AAMDC: variants seen among roughly 807,000 people sequenced by gnomAD.
The protein encoded by AAMDC is mth938 domain-containing protein.
In AAMDC, 16 loss-of-function variants were observed where a neutral mutation model predicts 15.5. The ratio of observed to expected loss-of-function variants is 1.03; its 90% CI spans 0.70 to 1.57. AAMDC has a LOEUF of 1.57. AAMDC is among the 40% of genes most tolerant of loss of function. The pLI, the probability that AAMDC is intolerant of heterozygous loss-of-function variation, is 0.00. For synonymous variants in AAMDC, 51 were observed against 51.6 expected, an observed-to-expected ratio of 0.99 and a Z score of 0.05; for missense variants, 141 against 144.9, an observed-to-expected ratio of 0.97 and a Z score of 0.14.
intron 5 of AAMDC, among the ~76,000 whole-genome samples, chr11:77,895,267 A>G (rs1005413321): frequency 3.3e-5 from 5 of 152,080 alleles, no homozygotes; most frequent in African/African-American, 7.2e-5. Context: ...TTAATATATT[A>G]TTCATTGGAG....
At position 77,868,399 on chromosome 11, in the gene AAMDC, C is replaced by T. The variant is rs564386747; in HGVS notation, c.133-1323C>T. On this transcript the variant is annotated intron_variant, in intron 2 of 3. Coordinates refer to ENST00000393427, the MANE Select transcript of AAMDC (RefSeq NM_024684.4). ...TTGAGATGAAGTCTTGGTCTTGTTG[C>T]CCAGGCTGGAGTGCAATGGCGTGAT... Among the ~76,000 whole-genome samples the T allele has an allele frequency of 3.6e-4, 46 of 127,656 alleles. 2 individuals carry two copies. The South Asian group carries it at 0.011, about 31-fold the overall frequency. 83.7% of individuals were successfully genotyped at this position (127,656 alleles called of 152,430 possible).
chr11:77,865,557 T>C (rs1161998195), intron 2 of AAMDC, among the ~76,000 whole-genome samples: 1 of 152,260 alleles, frequency 6.6e-6, no homozygotes, highest in Admixed American at 6.5e-5. Flanking sequence ...CACAGTCACA[T>C]GACCACATTT....
intron 5 of AAMDC, among the ~76,000 whole-genome samples, chr11:77,879,520 C>G (rs902295572): frequency 6.6e-6 from 1 of 152,178 alleles, no homozygotes; most frequent in Non-Finnish European, 1.5e-5. Context: ...AGTTCCATCT[C>G]AAGCCTCAGG....
At position 77,821,170 on chromosome 11, in the gene AAMDC, G is replaced by A. The variant is rs1395563936; in HGVS notation, c.-90G>A. 1 of 374,118 alleles carries A rather than the reference G, an allele frequency of 2.7e-6. No homozygotes were observed. The highest frequency in any genetic ancestry group is 4.8e-6 in the Non-Finnish European group (1 of 208,808). The allele number at this position is 374,118 out of a possible 1,614,324, so 23.2% of individuals were successfully genotyped here. A position where few individuals can be genotyped will look rare whatever the true frequency, so the allele number is the denominator to read the frequency against. On this transcript the variant is annotated 5_prime_UTR_variant, in exon 1 of 4. Coordinates refer to ENST00000393427, the MANE Select transcript of AAMDC (RefSeq NM_024684.4). ...GTTGGGGAGCGCAGATCCCGAAGCA[G>A]CGCTGGGAGCGTAAGTGCGGGCAGA...
intron 5 of AAMDC, among the ~76,000 whole-genome samples, chr11:77,900,350 T>C (rs566172399): frequency 3.1e-4 from 47 of 152,114 alleles, no homozygotes; most frequent in Non-Finnish European, 2.6e-4. Flanking sequence ...CTGCCCACCT[T>C]GGCCTCCCAA....
At position 77,869,757 on chromosome 11, in the gene AAMDC, A is replaced by G. The variant is rs746003091; in HGVS notation, c.168A>G (p.Glu56=). Residue 56 remains glutamate, a synonymous_variant, in exon 3 of 4, where the codon GAA becomes GAG. Coordinates refer to ENST00000393427, the MANE Select transcript of AAMDC (RefSeq NM_024684.4). ...SPGVQPADVK[E]VVEKGVQTLV... is the part of the protein sequence containing the mutation. ...GTGTGCAGCCTGCAGATGTGAAGGA[A>G]GTTGTTGAGAAGGGTGTACAGACTC... is the stretch of plus-strand genomic sequence containing the variant. 2 of 1,613,898 alleles carry G rather than the reference A, an allele frequency of 1.2e-6. No individual in the cohort carries two copies. Among genetic ancestry groups the G allele is most frequent in the Non-Finnish European group, 1.7e-6 (2 of 1,179,878 alleles).
chr11:77,881,062 G>A (rs1951773988), intron 5 of AAMDC, among the ~76,000 whole-genome samples: 1 of 152,186 alleles, frequency 6.6e-6, no homozygotes. Flanking sequence ...GCAATTCAAG[G>A]CAATGCCATA....
chr11:77,858,284 T>C (rs1435635613), intron 2 of AAMDC, among the ~76,000 whole-genome samples: 1 of 138,720 alleles, frequency 7.2e-6, no homozygotes, highest in Non-Finnish European at 1.5e-5. Flanking sequence ...AACCTCCACC[T>C]CCTGCGTTTA....
At chr11:77,846,132 A>G (rs1950136851) in intron 2 of AAMDC, among the ~76,000 whole-genome samples, 1 of 152,010 alleles carries the variant, frequency 6.6e-6, no homozygotes, top group African/African-American at 2.4e-5. Context: ...ATGTGGTTCT[A>G]TAAAGTCTGT....
chr11:77,837,805 C>T (rs1200810245), intron 1 of AAMDC, among the ~76,000 whole-genome samples: 1 of 152,068 alleles, frequency 6.6e-6, no homozygotes, highest in Non-Finnish European at 1.5e-5. Context: ...GCCTATAATG[C>T]AAGCACTTGG....
intron 1 of AAMDC, among the ~76,000 whole-genome samples, chr11:77,837,135 G>T (rs1949716772): frequency 6.6e-6 from 1 of 152,098 alleles, no homozygotes; most frequent in Non-Finnish European, 1.5e-5. Context: ...TTGTTTGTTT[G>T]TTTGCTTGCT....
At chr11:77,863,805 C>G (rs1302187855) in intron 2 of AAMDC, among the ~76,000 whole-genome samples, 1 of 152,122 alleles carries the variant, frequency 6.6e-6, no homozygotes, top group African/African-American at 2.4e-5. Flanking sequence ...GTGAGCCTCT[C>G]TGCCTACCCC....
chr11:77,848,896 C>T (rs1022972438), intron 2 of AAMDC, among the ~76,000 whole-genome samples: 7 of 152,190 alleles, frequency 4.6e-5, no homozygotes, highest in Admixed American at 4.6e-4. Context: ...AGCGATCCTC[C>T]AGCCTGCTCT....
At chr11:77,834,442 T>TG (rs1949588992) in intron 1 of AAMDC, among the ~76,000 whole-genome samples, 1 of 17,162 alleles carries the variant, frequency 5.8e-5, no homozygotes, top group South Asian at 8.0e-4. Flanking sequence ...GTTGATTTTG[T>TG]TTTTTTTTTT....
intron 1 of AAMDC, among the ~76,000 whole-genome samples, chr11:77,825,933 C>T (rs774274393): frequency 1.3e-5 from 2 of 152,096 alleles, no homozygotes; most frequent in African/African-American, 2.4e-5. Flanking sequence ...CTCAGATGAT[C>T]TGCTCACCTC....
At chr11:77,830,191 T>TAAG (rs1949357507) in intron 1 of AAMDC, 1 of 152,142 alleles carries the variant, frequency 6.6e-6, no homozygotes, top group South Asian at 2.1e-4. Flanking sequence ...ATACATCCAG[T>TAAG]AAGAGATTCA....
At position 77,842,515 on chromosome 11, in the gene AAMDC, G is replaced by C. The variant is rs781000871; in HGVS notation, c.19G>C (p.Ala7Pro). The C allele has an allele frequency of 3.1e-5, 50 of 1,613,786 alleles. No individual in the cohort carries two copies. The highest frequency in any genetic ancestry group is 4.2e-5 in the Non-Finnish European group (49 of 1,179,966). ...GTTCCTTATGACTTCCCCTGAAATT[G>C]CTTCCTTATCATGGGGGCAAATGAA... Reference protein sequence around the residue: MTSPEIASLSWGQMKVK... With the variant: MTSPEIPSLSWGQMKVK... Residue 7 changes from alanine (A) to proline (P), a missense_variant, in exon 2 of 4, where the codon GCT becomes CCT. Transcript: ENST00000393427.
intron 5 of AAMDC, among the ~76,000 whole-genome samples, chr11:77,899,985 T>TA (rs951328649): frequency 3.9e-5 from 6 of 151,958 alleles, no homozygotes; most frequent in African/African-American, 1.2e-4. Context: ...ATATATAAAC[T>TA]AAAAAAAATC....
In AAMDC at chr11:77,872,188, C is replaced by T; in HGVS notation, c.242C>T (p.Thr81Ile). The T allele has an allele frequency of 6.2e-7, 1 of 1,613,322 alleles. No homozygotes were observed. The highest frequency in any genetic ancestry group is 8.5e-7 in the Non-Finnish European group (1 of 1,179,654). The change falls in exon 4 of 4, where the codon ACT becomes ATT. Residue 81 changes from threonine (T) to isoleucine (I), a missense_variant. Thr to Ile is a moderately conservative substitution (Grantham distance 89). Transcript: ENST00000393427. ...MSEALKVPSS[T>I]VEYLKKHGID... ...CCACCTTCCCAGGTGCCTTCATCAACTGTGGAGTACCTCAAGAAACATGGC... is the reference window on the plus strand; with the variant it reads ...CCACCTTCCCAGGTGCCTTCATCAATTGTGGAGTACCTCAAGAAACATGGC...
Sources: gnomAD v4.1 joint callset for allele counts (sites outside exome capture counted in the v4.1 genomes callset) on GRCh38, gnomAD v4.1.1 for gene constraint, MANE v1.5 for transcripts, NCBI Gene and HGNC (gene_info 2026-07-23, HGNC 2026-07-21) for gene names.